The following PCDHA11 variants were observed in gnomAD, a reference collection of about 807,000 sequenced individuals.
PCDHA11 encodes the protein protocadherin alpha-11.
In PCDHA11, 61 loss-of-function variants were observed where a neutral mutation model predicts 70.3. The ratio of observed to expected loss-of-function variants is 0.87; its 90% CI spans 0.71 to 1.07. The LOEUF (loss-of-function observed/expected upper bound fraction) is 1.07. Among genes scored for constraint, PCDHA11 ranks in the 50% least tolerant of loss-of-function variants. PCDHA11 has a pLI of 0.00. For missense variants in PCDHA11, 1,324 were observed against 1,237.5 expected (o/e 1.07, Z -1.05); for synonymous variants, 633 against 555.1 (o/e 1.14, Z -1.97).
At chr5:140,963,159 C>T (rs971538193) in intron 1 of PCDHA11, among the ~76,000 whole-genome samples, 14 of 151,752 alleles carry the variant, frequency 9.2e-5, no homozygotes, top group Non-Finnish European at 1.9e-4. Flanking sequence ...AAAAATGACA[C>T]ATGCCATCTT....
At chr5:140,937,769 G>C (rs908179495) in intron 1 of PCDHA11, among the ~76,000 whole-genome samples, 1 of 151,776 alleles carries the variant, frequency 6.6e-6, no homozygotes, top group Non-Finnish European at 1.5e-5. Context: ...AAAATTAGTC[G>C]GGCGTGGTGG....
intron 1 of PCDHA11, among the ~76,000 whole-genome samples, chr5:140,896,879 G>A (rs1323456222): frequency 6.6e-6 from 1 of 151,976 alleles, no homozygotes; most frequent in Non-Finnish European, 1.5e-5. Context: ...TATTTATGGG[G>A]TATATGAGAC....
chr5:140,953,670 T>C (rs2094923970), intron 1 of PCDHA11, among the ~76,000 whole-genome samples: 1 of 152,212 alleles, frequency 6.6e-6, no homozygotes, highest in Non-Finnish European at 1.5e-5. Flanking sequence ...TGGAAGGGTC[T>C]GTTTATTATG....
intron 3 of PCDHA11, among the ~76,000 whole-genome samples, chr5:140,993,418 C>A (rs59434300): frequency 6.6e-5 from 10 of 151,302 alleles, no homozygotes; most frequent in Non-Finnish European, 1.5e-4. Context: ...ATCAGCATTT[C>A]TCTTTTAAAA....
intron 1 of PCDHA11, chr5:140,883,557 G>A (rs868923862): frequency 6.2e-7 from 1 of 1,614,214 alleles, no homozygotes; most frequent in Non-Finnish European, 8.5e-7. Flanking sequence ...GCGCGGGACG[G>A]GGGCTCGCCT....
chr5:140,877,501 A>G lies in PCDHA11; in HGVS notation c.2391+6007A>G, dbSNP rs2057165784. On this transcript the variant is annotated intron_variant, in intron 1 of 3. Coordinates refer to ENST00000398640, the MANE Select transcript of PCDHA11 (RefSeq NM_018902.5). ...GCTGGTGGAGAACGGCCAGGCCCCA[A>G]AGACGTCGTCGCGGGCCTCAGTGGG... 3.1e-6 allele frequency: 5 copies of G among 1,613,804 alleles called. No homozygotes were observed. In the East Asian group the frequency reaches 1.1e-4, roughly 36 times the overall value.
chr5:140,966,281 G>T, intron 1 of PCDHA11: 1 of 366,828 alleles, frequency 2.7e-6, no homozygotes, highest in Non-Finnish European at 4.8e-6. Context: ...TGGACAGTGG[G>T]GGTAGGGAGA....
chr5:140,909,454 C>G (rs1317276726), intron 1 of PCDHA11, among the ~76,000 whole-genome samples: 2 of 152,190 alleles, frequency 1.3e-5, no homozygotes, highest in African/African-American at 4.8e-5. Flanking sequence ...TCTCCAAGAT[C>G]CATCTGTCTT....
chr5:140,973,799 A>G (rs1470568019), intron 1 of PCDHA11, among the ~76,000 whole-genome samples: 1 of 152,254 alleles, frequency 6.6e-6, no homozygotes, highest in African/African-American at 2.4e-5. Flanking sequence ...CATGCTGTCT[A>G]CTTGACAGAA....
rs536777034 is a variant in PCDHA11 at position 140,985,803 on chromosome 5, G to A, written c.2539+3240G>A. Among the ~76,000 whole-genome samples the A allele has an allele frequency of 1.3e-4, 18 of 139,858 alleles. No individual in the cohort carries two copies. In the East Asian group the frequency reaches 1.8e-3, roughly 14 times the overall value. The allele number at this position is 139,858 out of a possible 152,430, so 91.8% of individuals were successfully genotyped here. A position where few individuals can be genotyped will look rare whatever the true frequency, so the allele number is the denominator to read the frequency against. Reference sequence around the variant, plus strand: ...CGCCCAGGCTGGAGTGCAGTGGCACGATCTCAGCTCACAACAAGCTCTGCC... The same window carrying A: ...CGCCCAGGCTGGAGTGCAGTGGCACAATCTCAGCTCACAACAAGCTCTGCC... On this transcript the variant is annotated intron_variant, in intron 3 of 3. Transcript: ENST00000398640.
At chr5:140,893,657 A>T (rs1046030357) in intron 1 of PCDHA11, among the ~76,000 whole-genome samples, 19 of 152,126 alleles carry the variant, frequency 1.2e-4, no homozygotes, top group Non-Finnish European at 2.2e-4. Context: ...TGATAGTTTT[A>T]AAAAATTTCA....
At position 140,941,253 on chromosome 5, in the gene PCDHA11, TTC is replaced by T. The variant is rs371538795; in HGVS notation, c.2392-37692_2392-37691del. 4.9e-3 allele frequency among the ~76,000 whole-genome samples: 316 copies of T among 64,734 alleles called. 2 individuals carry two copies. The highest frequency in any genetic ancestry group is 6.9e-3 in the Admixed American group (39 of 5,692). 42.5% of individuals were successfully genotyped at this position (64,734 alleles called of 152,430 possible). On this transcript the variant is annotated intron_variant, in intron 1 of 3. Coordinates refer to ENST00000398640, the MANE Select transcript of PCDHA11 (RefSeq NM_018902.5). ...TTTCTTTCTTTCTTTCTTTCTTTCT[TTC>T]TCTTTCTTTCTTTCTTTCCTTCCTT...
At chr5:140,921,744 A>T (rs1554200416) in intron 1 of PCDHA11, among the ~76,000 whole-genome samples, 1 of 152,158 alleles carries the variant, frequency 6.6e-6, no homozygotes. Context: ...TATAAGCATA[A>T]CAGGACACTT....
intron 1 of PCDHA11, chr5:140,883,056 A>G (rs1554176597): frequency 6.2e-7 from 1 of 1,614,176 alleles, no homozygotes; most frequent in Admixed American, 1.7e-5. Context: ...TTAGTGATCA[A>G]GCTAAATGCC....
At chr5:140,941,797 A>G (rs1425454318) in intron 1 of PCDHA11, among the ~76,000 whole-genome samples, 1 of 152,224 alleles carries the variant, frequency 6.6e-6, no homozygotes, top group African/African-American at 2.4e-5. Flanking sequence ...AAGAATATTT[A>G]GTTGATTTCA....
At chr5:140,980,616 G>A (rs2096898086) in intron 2 of PCDHA11, among the ~76,000 whole-genome samples, 4 of 151,912 alleles carry the variant, frequency 2.6e-5, no homozygotes, top group Admixed American at 2.0e-4. Context: ...GCGACAGTGC[G>A]AGACTCTGTC....
intron 1 of PCDHA11, among the ~76,000 whole-genome samples, chr5:140,919,580 A>G (rs1454243319): frequency 1.3e-5 from 2 of 152,194 alleles, no homozygotes; most frequent in African/African-American, 4.8e-5. Context: ...TTAGAATGTA[A>G]CATGGTAATT....
chr5:140,878,033 A>G, intron 1 of PCDHA11: 2 of 574,166 alleles, frequency 3.5e-6, no homozygotes, highest in Non-Finnish European at 5.4e-6. Context: ...TGTAGGTACA[A>G]TGGAGGCCAT....
chr5:140,987,882 T>G (rs942974119), intron 3 of PCDHA11, among the ~76,000 whole-genome samples: 2 of 152,158 alleles, frequency 1.3e-5, no homozygotes, highest in Non-Finnish European at 2.9e-5. Flanking sequence ...ATGGACAGTT[T>G]ATGTGCCCTA....
Sources: gnomAD v4.1 joint callset for allele counts (sites outside exome capture counted in the v4.1 genomes callset) on GRCh38, gnomAD v4.1.1 for gene constraint, MANE v1.5 for transcripts, NCBI Gene and HGNC (gene_info 2026-07-23, HGNC 2026-07-21) for gene names.